Variants in EMC8 observed in about 807,000 individuals in gnomAD.
The protein encoded by EMC8 is COX4 neighbor.
In EMC8, 11 loss-of-function variants were observed where a neutral mutation model predicts 24.3. That is an observed-to-expected ratio of 0.45 (90% confidence interval 0.28 to 0.75). EMC8 has a LOEUF of 0.75. Ranked by LOEUF, EMC8 falls within the 30% of genes least tolerant of loss-of-function variation. EMC8 has a pLI of 0.12. For synonymous variants in EMC8, 145 were observed against 117.7 expected (o/e 1.23, Z -1.50); for missense variants, 277 against 282.7 (o/e 0.98, Z 0.14).
rs960382638 is a variant in EMC8 at position 85,778,629 on chromosome 16, T to G, written c.*1079A>C. On this transcript the variant is annotated 3_prime_UTR_variant, in exon 5 of 5. Transcript: ENST00000253457. ...GAAGAAAGGGGAAGAGAGAATTTGG[T>G]GGATCAAATAAAGCACATTTATTGT... 6.6e-6 allele frequency: 1 copy of G among 152,182 alleles called. No individual in the cohort carries two copies. Among genetic ancestry groups the G allele is most frequent in the African/African-American group, 2.4e-5 (1 of 41,428 alleles). The allele number at this position is 152,182 out of a possible 1,614,324, so 9.4% of individuals were successfully genotyped here. A position where few individuals can be genotyped will look rare whatever the true frequency, so the allele number is the denominator to read the frequency against.
intron 2 of EMC8, chr16:85,787,562 G>C (rs575839029): frequency 1.6e-4 from 24 of 152,446 alleles, no homozygotes; most frequent in African/African-American, 5.8e-4. Context: ...GGCACTGAGA[G>C]GGGAGGCACT....
chr16:85,781,326 A>C, intron 2 of EMC8, 46 bp from the exon 3 acceptor site: 1 of 1,255,430 alleles, frequency 8.0e-7, no homozygotes, highest in African/African-American at 1.5e-5. Flanking sequence ...GCCATTCAAC[A>C]CTGTTTACAA....
intron 1 of EMC8, chr16:85,798,620 A>T (rs1905394292): frequency 6.1e-6 from 1 of 163,096 alleles, no homozygotes; most frequent in Admixed American, 6.2e-5. Flanking sequence ...GAGTACCGAC[A>T]GCCAAAGAAG....
chr16:85,796,091 G>A (rs920813902), intron 1 of EMC8, among the ~76,000 whole-genome samples: 6 of 152,058 alleles, frequency 3.9e-5, no homozygotes, highest in African/African-American at 1.5e-4. Context: ...GCACACCACT[G>A]GTTCTCAATC....
Position 85,781,272 on chromosome 16 carries a change from T to C in EMC8, c.317A>G (p.Gln106Arg). The change falls in exon 3 of 5, where the codon CAG (glutamine) becomes CGG (arginine). Residue 106 changes from glutamine (Q) to arginine (R), a missense_variant. Coordinates refer to ENST00000253457, the MANE Select transcript of EMC8 (RefSeq NM_006067.5). ...TCTGGAGGCCACCTTCTCTGCAACCTGGTTTGGACTGTCAAAGAAATAGGC... is the reference window on the plus strand; with the variant it reads ...TCTGGAGGCCACCTTCTCTGCAACCCGGTTTGGACTGTCAAAGAAATAGGC... ...NERVKDASPN[Q>R]VAEKVASRIA... The C allele has an allele frequency of 6.5e-7, 1 of 1,544,932 alleles. No homozygotes were observed. Among genetic ancestry groups the C allele is most frequent in the Non-Finnish European group, 8.7e-7 (1 of 1,153,672 alleles).
rs373545303 is a variant in EMC8 at position 85,780,426 on chromosome 16, G to A, written c.426C>T (p.His142=). The change falls in exon 4 of 5, where the codon CAC becomes CAT. Residue 142 remains histidine (H), a synonymous_variant. Transcript: ENST00000253457. The part of the protein sequence containing the change: ...FTMDCVAPTI[H]VYEHHENRWR... ...ATCTGTTCTCATGGTGCTCGTACAC[G>A]TGGATCGTAGGCGCTACGCAGTCCA... The A allele has an allele frequency of 1.2e-5, 20 of 1,614,182 alleles. No individual in the cohort carries two copies. The highest frequency in any genetic ancestry group is 1.6e-4 in the Middle Eastern group (1 of 6,062).
intron 2 of EMC8, among the ~76,000 whole-genome samples, chr16:85,788,107 G>A (rs1218864259): frequency 6.6e-6 from 1 of 152,194 alleles, no homozygotes; most frequent in Admixed American, 6.5e-5. Flanking sequence ...ATACGGCGTG[G>A]ACTTTCCAGC....
In EMC8 at chr16:85,778,752, T is replaced by C. The variant is rs887745787; in HGVS notation, c.*956A>G. The C allele has an allele frequency of 6.6e-6, 1 of 152,130 alleles. No homozygotes were observed. The highest frequency in any genetic ancestry group is 6.5e-5 in the Admixed American group (1 of 15,270). The allele number at this position is 152,130 out of a possible 1,614,324, so 9.4% of individuals were successfully genotyped here. On this transcript the variant is annotated 3_prime_UTR_variant, in exon 5 of 5. Coordinates refer to ENST00000253457, the MANE Select transcript of EMC8 (RefSeq NM_006067.5). ...ACACCGATCGTTACAAATTCCTCCA[T>C]GGAGTCAAAGAAAAGACAGTAGGAA... is the stretch of plus-strand genomic sequence containing the variant.
chr16:85,788,919 G>T, intron 2 of EMC8, 55 bp downstream of exon 2: 2 of 1,256,344 alleles, frequency 1.6e-6, no homozygotes, highest in Non-Finnish European at 2.3e-6. Context: ...GAGAGACGGG[G>T]TCTGCCCAAC....
rs371658480 is a variant in EMC8 at position 85,788,277 on chromosome 16, C to G, written c.308+697G>C. Among the ~76,000 whole-genome samples the G allele has an allele frequency of 8.5e-5, 13 of 152,260 alleles. No individual in the cohort carries two copies. In the East Asian group the frequency reaches 2.3e-3, roughly 27 times the overall value. On this transcript the variant is annotated intron_variant, in intron 2 of 4. Coordinates refer to ENST00000253457, the MANE Select transcript of EMC8 (RefSeq NM_006067.5). The stretch of plus-strand genomic sequence containing the variant: ...GCTTTTCTCAAGGTGGACTTGTTTA[C>G]CCAGCTCCTTCCTCCCCACCCTTTG...
intron 1 of EMC8, among the ~76,000 whole-genome samples, chr16:85,791,131 T>A (rs1904991680): frequency 6.6e-6 from 1 of 152,168 alleles, no homozygotes; most frequent in South Asian, 2.1e-4. Context: ...CCCAATTTTT[T>A]TTTTTTAAGG....
At chr16:85,789,992 T>TA (rs1904931620) in intron 1 of EMC8, among the ~76,000 whole-genome samples, 1 of 152,116 alleles carries the variant, frequency 6.6e-6, no homozygotes, top group African/African-American at 2.4e-5. Context: ...GGGTTTCTTT[T>TA]ATGGTACCAT....
At chr16:85,784,635 C>T (rs1329751766) in intron 2 of EMC8, 1 of 151,966 alleles carries the variant, frequency 6.6e-6, no homozygotes, top group Non-Finnish European at 1.5e-5. Context: ...AGAGGGAAGG[C>T]AGTGCTTCAC....
chr16:85,784,475 G>A (rs1904657979), intron 2 of EMC8: 1 of 152,192 alleles, frequency 6.6e-6, no homozygotes, highest in Non-Finnish European at 1.5e-5. Context: ...TTGACAAAGT[G>A]ATGTACTGAT....
chr16:85,791,200 T>C (rs1904995595), intron 1 of EMC8, among the ~76,000 whole-genome samples: 1 of 152,150 alleles, frequency 6.6e-6, no homozygotes, highest in Non-Finnish European at 1.5e-5. Context: ...CATATGATTG[T>C]TTTTCTTAGA....
At chr16:85,797,010 T>A (rs1402444400) in intron 1 of EMC8, among the ~76,000 whole-genome samples, 1 of 152,192 alleles carries the variant, frequency 6.6e-6, no homozygotes, top group Non-Finnish European at 1.5e-5. Context: ...AAACATTTAT[T>A]AGAAAAGTGA....
chr16:85,799,465 C>A lies in EMC8; in HGVS notation c.-170G>T. ...GCCCGGCCCCGTTTGGGCCTCGGCT[C>A]CTGGAAAAGCGACTCGCGCCTCTGG... On this transcript the variant is annotated 5_prime_UTR_variant, in exon 1 of 5. Coordinates refer to ENST00000253457, the MANE Select transcript of EMC8 (RefSeq NM_006067.5). This position sits in a 1 kb window ranked among gnomAD's most constrained non-coding sequence, Gnocchi z 4.2. 2.5e-6 allele frequency: 1 copy of A among 405,224 alleles called. No individual in the cohort carries two copies. The allele number at this position is 405,224 out of a possible 1,614,324, so 25.1% of individuals were successfully genotyped here.
rs757351433 is a variant in EMC8 at position 85,780,423 on chromosome 16, C to T, written c.429G>A (p.Val143=). ...TMDCVAPTIH[V]YEHHENRWRC... ...GCCATCTGTTCTCATGGTGCTCGTACACGTGGATCGTAGGCGCTACGCAGT... is the reference window on the plus strand; with the variant it reads ...GCCATCTGTTCTCATGGTGCTCGTATACGTGGATCGTAGGCGCTACGCAGT... The change falls in exon 4 of 5, where the codon GTG becomes GTA. Residue 143 remains valine (V), a synonymous_variant. Transcript: ENST00000253457. The T allele has an allele frequency of 3.7e-6, 6 of 1,614,102 alleles. No individual in the cohort carries two copies. The highest frequency in any genetic ancestry group is 4.2e-6 in the Non-Finnish European group (5 of 1,180,030).
At chr16:85,780,849 T>G (rs1904458615) in intron 3 of EMC8, 2 of 438,022 alleles carry the variant, frequency 4.6e-6, no homozygotes, top group Non-Finnish European at 8.4e-6. Flanking sequence ...TTCTCACACT[T>G]GGCATGTTCA....
Sources: gnomAD v4.1 joint callset for allele counts (sites outside exome capture counted in the v4.1 genomes callset) on GRCh38, gnomAD v4.1.1 for gene constraint, Gnocchi (gnomAD v3.1) non-coding constraint, MANE v1.5 for transcripts, NCBI Gene and HGNC (gene_info 2026-07-23, HGNC 2026-07-21) for gene names.